ALOX5AP: variants seen among roughly 807,000 people sequenced by gnomAD.
ALOX5AP encodes arachidonate 5-lipoxygenase-activating protein.
In ALOX5AP, 9 loss-of-function variants were observed where a neutral mutation model predicts 18.5. That is an observed-to-expected ratio of 0.49 (90% CI 0.29 to 0.85). The LOEUF is 0.85. Among genes scored for constraint, ALOX5AP ranks in the 40% least tolerant of loss-of-function variants. The pLI is 0.08. For synonymous variants in ALOX5AP, 81 were observed against 78.6 expected, an observed-to-expected ratio of 1.03 and a Z score of -0.16; for missense variants, 172 against 202.5, an observed-to-expected ratio of 0.85 and a Z score of 0.91.
intron 1 of ALOX5AP, among the ~76,000 whole-genome samples, chr13:30,724,538 G>A (rs1951622327): frequency 6.6e-6 from 1 of 152,178 alleles, no homozygotes; most frequent in Admixed American, 6.5e-5. Context: ...TGGCTGTGAT[G>A]GAAAAGGAGG....
rs1951775006 is a variant in ALOX5AP, at chr13:30,742,490, G to A, written c.71-1570G>A. 3 of 152,116 alleles carry A rather than the reference G, an allele frequency of 2.0e-5. No individual in the cohort carries two copies. In the South Asian group the frequency reaches 6.2e-4, roughly 32 times the overall value. 9.4% of individuals were successfully genotyped at this position (152,116 alleles called of 1,614,324 possible). ...TTGCAGCGTTCTTACCTACAGAGTG[G>A]GAACAGTACTACCCATTGCACAGAG... On this transcript the variant is annotated intron_variant, in intron 1 of 4. Transcript: ENST00000380490.
At chr13:30,728,222 G>A (rs1482402353) in intron 1 of ALOX5AP, among the ~76,000 whole-genome samples, 1 of 152,144 alleles carries the variant, frequency 6.6e-6, no homozygotes, top group Non-Finnish European at 1.5e-5. Flanking sequence ...TCAGGAAAAA[G>A]CAAGAAGGAA....
chr13:30,734,515 A>G (rs9315042), upstream of ALOX5AP, among the ~76,000 whole-genome samples: 1 of 152,162 alleles, frequency 6.6e-6, no homozygotes, highest in African/African-American at 2.4e-5. Context: ...TGCATTTTCC[A>G]TGTAACCTCA....
chr13:30,755,989 A>C lies in ALOX5AP; in HGVS notation c.287A>C (p.Lys96Thr). 6.2e-7 allele frequency: 1 copy of C among 1,614,186 alleles called. No homozygotes were observed. The highest frequency in any genetic ancestry group is 8.5e-7 in the Non-Finnish European group (1 of 1,180,002). ...AGLMYLFVRQ[K>T]YFVGYLGERT... is the part of the protein sequence containing the mutation. ...CTGATGTACTTGTTTGTGAGGCAAA[A>C]GTACTTTGTCGGTTACCTAGGAGAG... The change falls in exon 4 of 5, where the codon AAG (lysine) becomes ACG (threonine). Residue 96 changes from lysine to threonine, a missense_variant. Lys to Thr is a moderately conservative substitution (Grantham distance 78, BLOSUM62 -1). Coordinates refer to ENST00000380490, the MANE Select transcript of ALOX5AP (RefSeq NM_001629.4).
rs770017088 is a variant in ALOX5AP at position 30,735,552 on chromosome 13, G to A, written c.-54G>A. The A allele has an allele frequency of 1.2e-6, 2 of 1,610,900 alleles. No homozygotes were observed. Among genetic ancestry groups the A allele is most frequent in the Admixed American group, 1.7e-5 (1 of 59,554 alleles). On this transcript the variant is annotated 5_prime_UTR_variant, in exon 1 of 5. Transcript: ENST00000380490. ...CTCTCACTTCCCCTTCCTGTACAGG[G>A]CAGGTTGTGCAGCTGGAGGCAGAGC...
intron 1 of ALOX5AP, among the ~76,000 whole-genome samples, chr13:30,718,186 T>C (rs34643218): frequency 0.18 from 26,656 of 151,624 alleles, 3,430 homozygotes; most frequent in African/African-American, 0.35. Context: ...CTCAAACTCC[T>C]GACCTCAGGT....
At chr13:30,739,487 T>G (rs1293485833) in intron 1 of ALOX5AP, among the ~76,000 whole-genome samples, 1 of 152,204 alleles carries the variant, frequency 6.6e-6, no homozygotes, top group African/African-American at 2.4e-5. Flanking sequence ...CAGGCTGGAG[T>G]GCAGTAGCGC....
chr13:30,746,711 A>G (rs1397391970), intron 2 of ALOX5AP, among the ~76,000 whole-genome samples: 1 of 152,258 alleles, frequency 6.6e-6, no homozygotes, highest in Non-Finnish European at 1.5e-5. Context: ...CTGCAGGAAG[A>G]AAAGAACATG....
chr13:30,741,655 C>A (rs867812064), intron 1 of ALOX5AP, among the ~76,000 whole-genome samples: 5 of 149,522 alleles, frequency 3.3e-5, no homozygotes, highest in Middle Eastern at 3.5e-3. Flanking sequence ...GTGATCTACC[C>A]GCTTCAGCCT....
rs187477572 is a variant in ALOX5AP at position 30,736,694 on chromosome 13, C to T, written c.70+1019C>T. Among the ~76,000 whole-genome samples the T allele has an allele frequency of 1.9e-3, 285 of 152,330 alleles. 1 individual carries two copies. The highest frequency in any genetic ancestry group is 6.8e-3 in the African/African-American group (281 of 41,576). On this transcript the variant is annotated intron_variant, in intron 1 of 4. Transcript: ENST00000380490. ...GCACAGAGCAAGCCTCCCCCTCAGCCTCTGCACCAGAAAGGCTCAGCTTCA... is the reference window on the plus strand; with the variant it reads ...GCACAGAGCAAGCCTCCCCCTCAGCTTCTGCACCAGAAAGGCTCAGCTTCA...
chr13:30,723,289 G>T (rs9315039), intron 1 of ALOX5AP, among the ~76,000 whole-genome samples: 1 of 152,052 alleles, frequency 6.6e-6, no homozygotes, highest in East Asian at 1.9e-4. Context: ...AGGGACATAA[G>T]GTCTGTGTCT....
chr13:30,742,859 G>GCCCCCCCCCCCCCCCCCCCCCCCCCC (rs11316477), intron 1 of ALOX5AP, among the ~76,000 whole-genome samples: 2 of 105,972 alleles, frequency 1.9e-5, no homozygotes, highest in Admixed American at 1.1e-4. Flanking sequence ...GACCTTCACC[G>GCCCCCCCCCCCCCCCCCCCCCCCCCC]CCCCCCCCCC....
At chr13:30,753,167 G>A (rs906323305) in intron 3 of ALOX5AP, among the ~76,000 whole-genome samples, 2 of 152,210 alleles carry the variant, frequency 1.3e-5, no homozygotes, top group Non-Finnish European at 2.9e-5. Context: ...GGTGGGAAGC[G>A]CCATATGGGA....
intron 1 of ALOX5AP, among the ~76,000 whole-genome samples, chr13:30,728,667 A>G (rs1309649121): frequency 6.6e-6 from 1 of 152,186 alleles, no homozygotes; most frequent in Non-Finnish European, 1.5e-5. Flanking sequence ...CCTGGGTAAC[A>G]GTGATACCCT....
intron 2 of ALOX5AP, among the ~76,000 whole-genome samples, chr13:30,751,250 G>C (rs1002255924): frequency 2.6e-5 from 4 of 152,084 alleles, no homozygotes; most frequent in Non-Finnish European, 5.9e-5. Flanking sequence ...TTTTAGTAGA[G>C]ACAGGGTTTC....
At chr13:30,761,588 C>T (rs181633130) in intron 4 of ALOX5AP, among the ~76,000 whole-genome samples, 221 of 152,308 alleles carry the variant, frequency 1.5e-3, no homozygotes, top group East Asian at 0.011. Context: ...CATCTGCTGG[C>T]GCTGCCATAA....
intron 3 of ALOX5AP, among the ~76,000 whole-genome samples, chr13:30,752,389 A>T (rs1385594004): frequency 6.6e-6 from 1 of 152,148 alleles, no homozygotes; most frequent in Admixed American, 6.5e-5. Flanking sequence ...GCTAAATGTG[A>T]CTCAGAATCC....
chr13:30,732,790 G>A (rs573951408), upstream of ALOX5AP, among the ~76,000 whole-genome samples: 15 of 152,160 alleles, frequency 9.9e-5, no homozygotes, highest in African/African-American at 3.1e-4. Context: ...AGAGCGAGAG[G>A]AGAGATTGGA....
At chr13:30,727,877 G>A (rs1278469250) in intron 1 of ALOX5AP, among the ~76,000 whole-genome samples, 5 of 152,060 alleles carry the variant, frequency 3.3e-5, no homozygotes, top group African/African-American at 1.2e-4. Context: ...CACACTTCAT[G>A]CCTTTCTTTC....
Sources: allele counts gnomAD v4.1 joint callset (sites outside exome capture counted in the v4.1 genomes callset), GRCh38; gene constraint gnomAD v4.1.1; transcripts MANE v1.5; gene names NCBI Gene and HGNC (gene_info 2026-07-23, HGNC 2026-07-21).